The following SH3D19 variants were observed in gnomAD, a reference collection of about 807,000 sequenced individuals.
The protein encoded by SH3D19 is SH3 domain containing 19, also known as SH3 domain-containing protein 19.
A neutral mutation model predicts 112.1 loss-of-function variants in SH3D19; 58 were observed. That is an observed-to-expected ratio of 0.52 (90% confidence interval 0.42 to 0.64). The LOEUF (loss-of-function observed/expected upper bound fraction) is 0.64. Ranked by LOEUF, SH3D19 falls within the 30% of genes least tolerant of loss-of-function variation. SH3D19 has a pLI of 0.00. For synonymous variants in SH3D19, 391 were observed against 448.5 expected (o/e 0.87, Z 1.62); for missense variants, 1,090 against 1,263.4 (o/e 0.86, Z 2.08).
chr4:151,309,298 A>G (rs1249459141), intron 1 of SH3D19, among the ~76,000 whole-genome samples: 1 of 152,226 alleles, frequency 6.6e-6, no homozygotes, highest in Non-Finnish European at 1.5e-5. Flanking sequence ...AGTTACTTCA[A>G]TGATAACTCA....
At chr4:151,180,926 G>A (rs1760820331) in intron 3 of SH3D19, among the ~76,000 whole-genome samples, 1 of 65,560 alleles carries the variant, frequency 1.5e-5, no homozygotes, top group African/African-American at 3.9e-5. Flanking sequence ...ACCATGCCCG[G>A]CTATTTTTTT....
intron 1 of SH3D19, among the ~76,000 whole-genome samples, chr4:151,293,456 G>A (rs1775495662): frequency 6.7e-6 from 1 of 149,844 alleles, no homozygotes; most frequent in Non-Finnish European, 1.5e-5. Context: ...CTGGGCGACA[G>A]AGCAAGACTC....
At chr4:151,240,370 T>A (rs1770461045) in intron 1 of SH3D19, among the ~76,000 whole-genome samples, 1 of 151,504 alleles carries the variant, frequency 6.6e-6, no homozygotes, top group African/African-American at 2.4e-5. Context: ...ATGATTGCAC[T>A]ACTGCACTCC....
intron 2 of SH3D19, among the ~76,000 whole-genome samples, chr4:151,196,911 T>C (rs1360026284): frequency 6.6e-6 from 1 of 152,150 alleles, no homozygotes; most frequent in Non-Finnish European, 1.5e-5. Flanking sequence ...TCATTAATTA[T>C]CAGAGAAATG....
At chr4:151,250,548 A>G (rs1385221559) in intron 1 of SH3D19, among the ~76,000 whole-genome samples, 1 of 152,112 alleles carries the variant, frequency 6.6e-6, no homozygotes, top group Non-Finnish European at 1.5e-5. Context: ...GATGCTCACA[A>G]ACAACCCATC....
intron 8 of SH3D19, among the ~76,000 whole-genome samples, chr4:151,160,604 A>C (rs1384819492): frequency 6.6e-6 from 1 of 152,136 alleles, no homozygotes; most frequent in Non-Finnish European, 1.5e-5. Flanking sequence ...ATACTGAAGG[A>C]CGCTAAAGCC....
chr4:151,170,081 G>T (rs183880889), intron 7 of SH3D19, among the ~76,000 whole-genome samples: 1 of 152,160 alleles, frequency 6.6e-6, no homozygotes, highest in Admixed American at 6.5e-5. Context: ...AACAGGTATC[G>T]TATGGTAAAA....
chr4:151,323,141 A>G (rs983654616), intron 1 of SH3D19, among the ~76,000 whole-genome samples: 7 of 152,208 alleles, frequency 4.6e-5, no homozygotes, highest in Non-Finnish European at 5.9e-5. Flanking sequence ...AAATAAATGC[A>G]CTTACACAAC....
chr4:151,133,269 A>G (rs1282649032), intron 15 of SH3D19, 33 bp from the exon 16 acceptor site: 2 of 1,583,130 alleles, frequency 1.3e-6, no homozygotes, highest in Admixed American at 1.7e-5. Flanking sequence ...GGATTAGACT[A>G]GAGAGTGCTT....
intron 1 of SH3D19, among the ~76,000 whole-genome samples, chr4:151,293,287 G>C (rs950664892): frequency 4.6e-5 from 7 of 151,134 alleles, no homozygotes; most frequent in Non-Finnish European, 1.0e-4. Flanking sequence ...TGGCTAACAC[G>C]GTGAAACCCC....
chr4:151,291,101 T>C, intron 1 of SH3D19: 1 of 1,584,084 alleles, frequency 6.3e-7, no homozygotes, highest in South Asian at 1.1e-5. Flanking sequence ...GCTCATTACC[T>C]TTCATTTCTT....
At chr4:151,150,184 C>CA (rs759365990) in intron 9 of SH3D19, among the ~76,000 whole-genome samples, 445 of 7,192 alleles carry the variant, frequency 0.062, 124 homozygotes, top group South Asian at 0.44. Context: ...GACTCCATCT[C>CA]AAAAAAAAAA....
At chr4:151,171,280 C>A (rs1393061178) in intron 7 of SH3D19, among the ~76,000 whole-genome samples, 1 of 151,366 alleles carries the variant, frequency 6.6e-6, no homozygotes, top group African/African-American at 2.4e-5. Flanking sequence ...AGAGAAAAGA[C>A]TCTCAGGCTA....
intron 19 of SH3D19, among the ~76,000 whole-genome samples, chr4:151,127,291 G>A (rs1749626946): frequency 6.6e-6 from 1 of 152,188 alleles, no homozygotes; most frequent in African/African-American, 2.4e-5. Flanking sequence ...CATGTAGACA[G>A]TCATCTGTTA....
Position 151,195,371 on chromosome 4 carries a change from CAAAAAAAAAAAAAA to C in SH3D19, c.153-7922_153-7909del, listed in dbSNP as rs58618820. On this transcript the variant is annotated intron_variant, in intron 2 of 19. Transcript: ENST00000604030. ...TGGTGGACAGAGTGAGACTCTGTCTCAAAAAAAAAAAAAAAAAAAAAAAAAAGAAAAAGAAAAAA... is the reference window on the plus strand; with the variant it reads ...TGGTGGACAGAGTGAGACTCTGTCTCAAAAAAAAAAAAGAAAAAGAAAAAA... 7.5e-5 allele frequency among the ~76,000 whole-genome samples: 5 copies of C among 66,794 alleles called. No individual in the cohort carries two copies. The Admixed American group carries it at 9.4e-4, about 13-fold the overall frequency. 43.8% of individuals were successfully genotyped at this position (66,794 alleles called of 152,430 possible).
intron 13 of SH3D19, 40 bp from the exon 14 acceptor site, chr4:151,137,902 T>C (rs1367711733): frequency 2.6e-6 from 4 of 1,539,688 alleles, no homozygotes; most frequent in Non-Finnish European, 3.5e-6. Flanking sequence ...TGAATCATCC[T>C]GGTTGCAGAT....
At chr4:151,275,312 C>T (rs949449111) in intron 1 of SH3D19, among the ~76,000 whole-genome samples, 1 of 152,136 alleles carries the variant, frequency 6.6e-6, no homozygotes, top group Non-Finnish European at 1.5e-5. Context: ...TGGTCTCGAT[C>T]TCCTGACCTC....
chr4:151,286,269 G>T (rs936607868), intron 1 of SH3D19, among the ~76,000 whole-genome samples: 4 of 131,856 alleles, frequency 3.0e-5, no homozygotes, highest in African/African-American at 1.1e-4. Flanking sequence ...CTGAAATAGA[G>T]AACAGAAAGA....
intron 1 of SH3D19, among the ~76,000 whole-genome samples, chr4:151,288,637 C>A (rs111958807): frequency 2.7e-4 from 41 of 151,748 alleles, no homozygotes; most frequent in Middle Eastern, 3.4e-3. Flanking sequence ...CCACTGCACT[C>A]CAGCCTGGGC....
Sources: gnomAD v4.1 joint callset for allele counts (sites outside exome capture counted in the v4.1 genomes callset) on GRCh38, gnomAD v4.1.1 for gene constraint, MANE v1.5 for transcripts, NCBI Gene and HGNC (gene_info 2026-07-23, HGNC 2026-07-21) for gene names.